Variants in CLSTN2 observed in about 807,000 individuals in gnomAD.
CLSTN2 encodes the protein calsyntenin 2.
A neutral mutation model predicts 101.2 loss-of-function variants in CLSTN2; 48 were observed. That is an observed-to-expected ratio of 0.47 (90% confidence interval 0.38 to 0.60). The LOEUF (loss-of-function observed/expected upper bound fraction) is 0.60. Ranked by LOEUF, CLSTN2 falls within the 20% of genes least tolerant of loss-of-function variation. The probability of loss-of-function intolerance (pLI) is 0.00; values close to 1 mark genes in which losing one functional copy is unlikely to be tolerated. For synonymous variants in CLSTN2, 481 were observed against 463.6 expected, an observed-to-expected ratio of 1.04 and a Z score of -0.48; for missense variants, 1,160 against 1,238.2, an observed-to-expected ratio of 0.94 and a Z score of 0.95.
rs191994043 is a variant in CLSTN2 at position 140,563,998 on chromosome 3, C to T, written c.2520C>T (p.Ser840=). ...PSIATVVIII[S]VCMLVFVVAM... Reference sequence around the variant, plus strand: ...TTGCCACAGTGGTCATCATCATCTCCGTGTGCATGCTTGTGTTTGTCGTGG... The same window carrying T: ...TTGCCACAGTGGTCATCATCATCTCTGTGTGCATGCTTGTGTTTGTCGTGG... Residue 840 remains serine, a synonymous_variant, in exon 16 of 17, where the codon TCC becomes TCT. Coordinates refer to ENST00000458420, the MANE Select transcript of CLSTN2 (RefSeq NM_022131.3). The T allele has an allele frequency of 4.0e-4, 640 of 1,614,128 alleles. 2 individuals are homozygous for T. In the South Asian group the frequency reaches 4.7e-3, roughly 12 times the overall value.
chr3:140,525,454 C>T (rs1935117388), intron 8 of CLSTN2, among the ~76,000 whole-genome samples: 1 of 151,964 alleles, frequency 6.6e-6, no homozygotes, highest in East Asian at 1.9e-4. Context: ...ACCTACTAAC[C>T]AAAAAGAGCC....
rs1393658726 is a variant in CLSTN2, at chr3:140,568,104, A to G, written c.*1851A>G. ...GTCTTGTTCAGAGTCATTCAAAAGTATAGACAAGACCAGTCTCCCCAACTT... is the reference window on the plus strand; with the variant it reads ...GTCTTGTTCAGAGTCATTCAAAAGTGTAGACAAGACCAGTCTCCCCAACTT... On this transcript the variant is annotated 3_prime_UTR_variant, in exon 17 of 17. Transcript: ENST00000458420. The G allele has an allele frequency of 6.6e-6, 1 of 152,266 alleles. No homozygotes were observed. Among genetic ancestry groups the G allele is most frequent in the Non-Finnish European group, 1.5e-5 (1 of 68,050 alleles). 9.4% of individuals were successfully genotyped at this position (152,266 alleles called of 1,614,324 possible).
At chr3:139,959,082 T>C (rs1236215640) in intron 1 of CLSTN2, among the ~76,000 whole-genome samples, 2 of 152,064 alleles carry the variant, frequency 1.3e-5, no homozygotes, top group East Asian at 1.9e-4. Flanking sequence ...TTTCTCTACC[T>C]TGGGCAATCT....
At chr3:140,042,923 C>T (rs992885140) in intron 1 of CLSTN2, among the ~76,000 whole-genome samples, 1 of 152,110 alleles carries the variant, frequency 6.6e-6, no homozygotes, top group African/African-American at 2.4e-5. Context: ...CAGTCTATCA[C>T]TGATGGACAT....
At chr3:140,544,387 A>C (rs1240093076) in intron 9 of CLSTN2, among the ~76,000 whole-genome samples, 1 of 152,224 alleles carries the variant, frequency 6.6e-6, no homozygotes, top group Non-Finnish European at 1.5e-5. Flanking sequence ...CAAAGGATAG[A>C]GATCACAAGA....
At chr3:140,044,342 A>G (rs571145455) in intron 1 of CLSTN2, among the ~76,000 whole-genome samples, 12 of 151,734 alleles carry the variant, frequency 7.9e-5, no homozygotes, top group Middle Eastern at 6.8e-3. Flanking sequence ...TCTGTTATTG[A>G]TGTATAAGAA....
At chr3:140,435,030 C>T (rs1454017273) in intron 5 of CLSTN2, among the ~76,000 whole-genome samples, 1 of 152,040 alleles carries the variant, frequency 6.6e-6, no homozygotes, top group African/African-American at 2.4e-5. Context: ...AATGGAGTAT[C>T]CATCCCCTCA....
chr3:140,131,307 T>G (rs1397889076), intron 1 of CLSTN2, among the ~76,000 whole-genome samples: 1 of 151,220 alleles, frequency 6.6e-6, no homozygotes, highest in Non-Finnish European at 1.5e-5. Flanking sequence ...TCTTTATGAT[T>G]TTTTTTTAAT....
chr3:139,964,865 A>G (rs1935566511), intron 1 of CLSTN2, among the ~76,000 whole-genome samples: 1 of 152,134 alleles, frequency 6.6e-6, no homozygotes, highest in South Asian at 2.1e-4. Context: ...CCGGCCACAC[A>G]TCTTTGTCCC....
chr3:140,134,982 G>T (rs1242324137), intron 1 of CLSTN2, among the ~76,000 whole-genome samples: 1 of 150,638 alleles, frequency 6.6e-6, no homozygotes, highest in Non-Finnish European at 1.5e-5. Context: ...CTTGCCCCAG[G>T]ATATTGTTCA....
intron 2 of CLSTN2, among the ~76,000 whole-genome samples, chr3:140,342,495 G>A (rs1225830701): frequency 6.6e-6 from 1 of 152,064 alleles, no homozygotes; most frequent in Non-Finnish European, 1.5e-5. Flanking sequence ...TAGGGCAGAT[G>A]ACTTGCTCAC....
In CLSTN2 at chr3:140,176,006, C is replaced by T. The variant is rs751728404; in HGVS notation, c.165C>T (p.Asn55=). 7 of 1,613,090 alleles carry T rather than the reference C, an allele frequency of 4.3e-6. No homozygotes were observed. The highest frequency in any genetic ancestry group is 4.0e-5 in the African/African-American group (3 of 74,848). Residue 55 remains asparagine (N), a synonymous_variant, in exon 2 of 17, where the codon AAC becomes AAT. Transcript: ENST00000458420. ...ETSYHGVITE[N]NDTVILDPPL... ...CATATCATGGAGTCATAACTGAGAA[C>T]AATGACACAGTCATTTTGGACCCAC...
At chr3:140,535,907 C>A (rs1331233635) in intron 9 of CLSTN2, among the ~76,000 whole-genome samples, 1 of 152,184 alleles carries the variant, frequency 6.6e-6, no homozygotes, top group Non-Finnish European at 1.5e-5. Context: ...AAGGCAGGAG[C>A]TAATGTGTAC....
At chr3:140,555,667 T>C (rs560292035) in intron 10 of CLSTN2, among the ~76,000 whole-genome samples, 1 of 152,252 alleles carries the variant, frequency 6.6e-6, no homozygotes, top group Non-Finnish European at 1.5e-5. Context: ...GTTTCTGATA[T>C]TTTATTGATA....
At chr3:140,040,112 G>A (rs935268032) in intron 1 of CLSTN2, among the ~76,000 whole-genome samples, 3 of 152,184 alleles carry the variant, frequency 2.0e-5, no homozygotes, top group African/African-American at 7.2e-5. Flanking sequence ...AAGCTATAGT[G>A]TTTTGAATTC....
intron 2 of CLSTN2, among the ~76,000 whole-genome samples, chr3:140,234,995 G>T (rs1443806190): frequency 6.6e-6 from 1 of 152,162 alleles, no homozygotes; most frequent in Non-Finnish European, 1.5e-5. Context: ...AGAAGAAGTG[G>T]CTTCACTGGA....
At chr3:140,223,317 T>G (rs2086291575) in intron 2 of CLSTN2, among the ~76,000 whole-genome samples, 2 of 152,224 alleles carry the variant, frequency 1.3e-5, no homozygotes, top group Admixed American at 1.3e-4. Flanking sequence ...CTGCACAGGC[T>G]GCTTTTCCTC....
intron 1 of CLSTN2, among the ~76,000 whole-genome samples, chr3:140,031,532 A>G (rs1047385570): frequency 2.0e-5 from 3 of 152,240 alleles, no homozygotes; most frequent in African/African-American, 4.8e-5. Context: ...TTTGCTATCC[A>G]ACTTTCAGGA....
intron 2 of CLSTN2, among the ~76,000 whole-genome samples, chr3:140,248,622 C>T (rs1054756552): frequency 5.2e-4 from 79 of 152,158 alleles, no homozygotes; most frequent in African/African-American, 1.8e-3. Flanking sequence ...CTGAAGGACT[C>T]GTTAGTTAAT....
Sources: allele counts gnomAD v4.1 joint callset (sites outside exome capture counted in the v4.1 genomes callset), GRCh38; gene constraint gnomAD v4.1.1; transcripts MANE v1.5; gene names NCBI Gene and HGNC (gene_info 2026-07-23, HGNC 2026-07-21).